The following ROBO2 variants were observed in gnomAD, a reference collection of about 807,000 sequenced individuals.
ROBO2 encodes the protein roundabout guidance receptor 2, also known as roundabout homolog 2.
In ROBO2, 53 loss-of-function variants were observed where a neutral mutation model predicts 160.8. The observed-to-expected ratio is 0.33, with a 90% CI of 0.26 to 0.41. The LOEUF (loss-of-function observed/expected upper bound fraction) is 0.41. Ranked by LOEUF, ROBO2 falls within the 10% of genes least tolerant of loss-of-function variation. ROBO2 has a pLI of 1.00. For missense variants in ROBO2, 1,577 were observed against 1,722.4 expected, an observed-to-expected ratio of 0.92 and a Z score of 1.49; for synonymous variants, 664 against 611.7, an observed-to-expected ratio of 1.09 and a Z score of -1.26.
intron 2 of ROBO2, among the ~76,000 whole-genome samples, chr3:76,055,309 C>A (rs1402236284): frequency 6.6e-6 from 1 of 152,164 alleles, no homozygotes; most frequent in Non-Finnish European, 1.5e-5. Flanking sequence ...CCATATCAGG[C>A]AGACCTTATT....
intron 2 of ROBO2, among the ~76,000 whole-genome samples, chr3:76,906,138 A>T (rs1050961629): frequency 7.2e-5 from 11 of 152,276 alleles, no homozygotes; most frequent in African/African-American, 2.6e-4. Context: ...AAGCCTTTAT[A>T]AGATCTACTA....
At chr3:77,256,275 T>C (rs2058406541) in intron 2 of ROBO2, among the ~76,000 whole-genome samples, 2 of 152,210 alleles carry the variant, frequency 1.3e-5, no homozygotes, top group Non-Finnish European at 2.9e-5. Flanking sequence ...ATAAATGTAA[T>C]AAAACATCAG....
At chr3:77,034,777 T>C (rs2063529165) in intron 2 of ROBO2, among the ~76,000 whole-genome samples, 1 of 151,956 alleles carries the variant, frequency 6.6e-6, no homozygotes, top group South Asian at 2.1e-4. Context: ...TAAAATAAAT[T>C]TTTCTATTAG....
At chr3:76,876,079 A>G (rs1351701273) in intron 2 of ROBO2, among the ~76,000 whole-genome samples, 2 of 152,102 alleles carry the variant, frequency 1.3e-5, no homozygotes, top group South Asian at 2.1e-4. Context: ...TCAAGGTAAC[A>G]TAGTCACAAC....
At chr3:76,505,456 G>C (rs910220855) in intron 2 of ROBO2, among the ~76,000 whole-genome samples, 3 of 152,160 alleles carry the variant, frequency 2.0e-5, no homozygotes, top group African/African-American at 7.2e-5. Flanking sequence ...GCTGGCACCT[G>C]TGAATGTGAT....
intron 2 of ROBO2, among the ~76,000 whole-genome samples, chr3:76,053,681 A>C (rs1445070192): frequency 1.3e-5 from 2 of 152,098 alleles, no homozygotes; most frequent in Non-Finnish European, 2.9e-5. Context: ...TGCTTTTGGC[A>C]TTAGATTTAC....
intron 2 of ROBO2, among the ~76,000 whole-genome samples, chr3:76,854,672 A>T (rs2069844035): frequency 6.6e-6 from 1 of 152,188 alleles, no homozygotes; most frequent in South Asian, 2.1e-4. Context: ...TGCAAGGCCA[A>T]ATATTTAGTT....
At chr3:77,439,908 G>T (rs893943448) in intron 2 of ROBO2, among the ~76,000 whole-genome samples, 3 of 152,040 alleles carry the variant, frequency 2.0e-5, no homozygotes, top group African/African-American at 7.2e-5. Context: ...TTTTAATTAA[G>T]TTAAACACAT....
At chr3:76,588,789 G>A (rs574511803) in intron 2 of ROBO2, among the ~76,000 whole-genome samples, 56 of 152,288 alleles carry the variant, frequency 3.7e-4, no homozygotes, top group African/African-American at 1.3e-3. Flanking sequence ...TATGTTTAAT[G>A]TCACCTAATT....
intron 2 of ROBO2, among the ~76,000 whole-genome samples, chr3:76,715,558 G>T (rs1225846832): frequency 6.6e-6 from 1 of 152,110 alleles, no homozygotes. Flanking sequence ...CAAGAATCTT[G>T]GTCCATGGTC....
intron 2 of ROBO2, among the ~76,000 whole-genome samples, chr3:76,603,980 T>C (rs948606859): frequency 9.2e-5 from 14 of 152,194 alleles, no homozygotes; most frequent in Non-Finnish European, 2.1e-4. Flanking sequence ...AAAGAGAATT[T>C]CAACTGGCCT....
intron 2 of ROBO2, among the ~76,000 whole-genome samples, chr3:77,017,604 T>A (rs1395301689): frequency 1.3e-5 from 2 of 152,184 alleles, no homozygotes; most frequent in Non-Finnish European, 2.9e-5. Flanking sequence ...CTTATGTAAA[T>A]AATTTCTTTT....
intron 2 of ROBO2, among the ~76,000 whole-genome samples, chr3:75,949,778 C>T (rs372771642): frequency 6.6e-6 from 1 of 152,006 alleles, no homozygotes; most frequent in Non-Finnish European, 1.5e-5. Context: ...TCAGATTGCT[C>T]TACATTCCAC....
chr3:76,675,485 A>G lies in ROBO2; in HGVS notation c.110-422529A>G, dbSNP rs767492098. ...GCATATGGCATTTTATATATAACCT[A>G]TATAGCCATCATGGAAGGGTTCATG... is the stretch of plus-strand genomic sequence containing the variant. On this transcript the variant is annotated intron_variant, in intron 2 of 26. Coordinates refer to the ROBO2 transcript ENST00000487694. 3.9e-5 allele frequency among the ~76,000 whole-genome samples: 6 copies of G among 152,290 alleles called. 1 individual carries two copies. The South Asian group carries it at 1.0e-3, about 26-fold the overall frequency.
intron 2 of ROBO2, among the ~76,000 whole-genome samples, chr3:76,986,479 A>C (rs1168770608): frequency 6.6e-6 from 1 of 152,110 alleles, no homozygotes; most frequent in Admixed American, 6.6e-5. Context: ...ACTCATTGCC[A>C]GAATGCCCAA....
chr3:77,504,198 G>A (rs540872715), intron 5 of ROBO2, among the ~76,000 whole-genome samples: 25 of 152,162 alleles, frequency 1.6e-4, no homozygotes, highest in Admixed American at 1.6e-3. Context: ...TAAAAATTCT[G>A]CCAGTTATTC....
At chr3:76,264,676 A>C (rs1262142102) in intron 2 of ROBO2, among the ~76,000 whole-genome samples, 2 of 152,148 alleles carry the variant, frequency 1.3e-5, no homozygotes, top group African/African-American at 4.8e-5. Context: ...CAGAGGTTCA[A>C]ACTGAAACCT....
chr3:75,940,192 T>C (rs1947987265), intron 2 of ROBO2, among the ~76,000 whole-genome samples: 1 of 152,110 alleles, frequency 6.6e-6, no homozygotes, highest in African/African-American at 2.4e-5. Context: ...TGTGAGAAAT[T>C]GTAGCTAAGT....
chr3:76,400,839 C>T (rs72898544), intron 2 of ROBO2, among the ~76,000 whole-genome samples: 4,379 of 151,536 alleles, frequency 0.029, 206 homozygotes, highest in African/African-American at 0.099. Context: ...GTTCTCTCTA[C>T]AACCTCCAAA....
Sources: gnomAD v4.1 joint callset for allele counts (sites outside exome capture counted in the v4.1 genomes callset) on GRCh38, gnomAD v4.1.1 for gene constraint, MANE v1.5 for transcripts, NCBI Gene and HGNC (gene_info 2026-07-23, HGNC 2026-07-21) for gene names.